PPP3R1: variants seen among roughly 807,000 people sequenced by gnomAD.
PPP3R1 encodes protein phosphatase 3 regulatory subunit B, alpha, also known as calcineurin subunit B type 1.
PPP3R1 carries 5 observed loss-of-function variants against 22.6 expected under a neutral mutation model. The ratio of observed to expected loss-of-function variants is 0.22; its 90% CI spans 0.12 to 0.46. The LOEUF is 0.46. Ranked by LOEUF, PPP3R1 falls within the 20% of genes least tolerant of loss-of-function variation. The probability of loss-of-function intolerance (pLI) is 0.99; values close to 1 mark genes in which losing one functional copy is unlikely to be tolerated. For synonymous variants in PPP3R1, 56 were observed against 65.2 expected (o/e 0.86, Z 0.68); for missense variants, 61 against 203.2 (o/e 0.30, Z 4.25).
intron 1 of PPP3R1, among the ~76,000 whole-genome samples, chr2:68,249,504 C>T (rs1442960372): frequency 6.6e-6 from 1 of 151,994 alleles, no homozygotes; most frequent in East Asian, 1.9e-4. Context: ...AGAAACAAAA[C>T]GTAAAACAAT....
intron 3 of PPP3R1, among the ~76,000 whole-genome samples, chr2:68,188,215 A>ATT (rs1461443606): frequency 6.6e-6 from 1 of 152,198 alleles, no homozygotes; most frequent in Non-Finnish European, 1.5e-5. Flanking sequence ...CTTCTAATGT[A>ATT]TATAAGAATA....
chr2:68,187,181 T>TA (rs1674563306), intron 4 of PPP3R1, 74 bp downstream of exon 4: 1 of 1,204,038 alleles, frequency 8.3e-7, no homozygotes, highest in South Asian at 1.5e-5. Flanking sequence ...TTCATTATTT[T>TA]AAAAAGCATT....
At chr2:68,199,598 T>C (rs59657676) in intron 2 of PPP3R1, among the ~76,000 whole-genome samples, 1 of 152,122 alleles carries the variant, frequency 6.6e-6, no homozygotes, top group Non-Finnish European at 1.5e-5. Context: ...AAAGTAAAGG[T>C]TTTTTAGTAG....
At chr2:68,245,325 G>A (rs760207429) in intron 1 of PPP3R1, among the ~76,000 whole-genome samples, 2 of 151,962 alleles carry the variant, frequency 1.3e-5, no homozygotes, top group African/African-American at 2.4e-5. Context: ...TCGCACCACC[G>A]CACTCCAACC....
At chr2:68,240,823 T>TAA (rs1482090502) in intron 1 of PPP3R1, among the ~76,000 whole-genome samples, 1 of 152,208 alleles carries the variant, frequency 6.6e-6, no homozygotes, top group Non-Finnish European at 1.5e-5. Flanking sequence ...TTTCAGTCTT[T>TAA]ATAATGCCGG....
At chr2:68,232,239 G>A (rs868710252) in intron 1 of PPP3R1, among the ~76,000 whole-genome samples, 2 of 61,248 alleles carry the variant, frequency 3.3e-5, no homozygotes, top group African/African-American at 3.1e-4. Flanking sequence ...GTGTGTGTGT[G>A]TGTGTGTGTG....
intron 3 of PPP3R1, among the ~76,000 whole-genome samples, chr2:68,187,636 A>T (rs1674573332): frequency 6.6e-6 from 1 of 151,562 alleles, no homozygotes; most frequent in South Asian, 2.1e-4. Context: ...AAGGGGCTTT[A>T]AAAAAAAACC....
In PPP3R1 at chr2:68,237,741, T is replaced by A. The variant is rs576332048; in HGVS notation, c.3+14384A>T. 9.2e-5 allele frequency among the ~76,000 whole-genome samples: 14 copies of A among 152,234 alleles called. No individual in the cohort carries two copies. The South Asian group carries it at 2.7e-3, about 29-fold the overall frequency. ...TCTTTTTTTCATTCATCTTTATACC[T>A]GAAACTATGTTTGATATATCTAGTA... On this transcript the variant is annotated intron_variant, in intron 1 of 5. Coordinates refer to ENST00000234310, the MANE Select transcript of PPP3R1 (RefSeq NM_000945.4).
chr2:68,194,163 T>G (rs148656563), intron 2 of PPP3R1, among the ~76,000 whole-genome samples: 6 of 152,138 alleles, frequency 3.9e-5, no homozygotes, highest in African/African-American at 1.4e-4. Flanking sequence ...TATACTGTTA[T>G]CTAAAATTTA....
At chr2:68,243,217 T>C (rs574930759) in intron 1 of PPP3R1, among the ~76,000 whole-genome samples, 65 of 152,300 alleles carry the variant, frequency 4.3e-4, no homozygotes, top group Admixed American at 1.6e-3. Context: ...ACAGAAATCT[T>C]CAAACATTTT....
Position 68,199,355 on chromosome 2 carries a change from C to T in PPP3R1, c.44-10665G>A, listed in dbSNP as rs537894375. On this transcript the variant is annotated intron_variant, in intron 2 of 5. Transcript: ENST00000234310. Reference sequence around the variant, plus strand: ...TCCTACAATCTTGCCAAATTCACATCAGTCCTAGTAACTTAACATTTGCTA... The same window carrying T: ...TCCTACAATCTTGCCAAATTCACATTAGTCCTAGTAACTTAACATTTGCTA... Among the ~76,000 whole-genome samples, 5 of 152,296 alleles carry T rather than the reference C, an allele frequency of 3.3e-5. No homozygotes were observed. In the East Asian group the frequency reaches 9.6e-4, roughly 29 times the overall value.
At chr2:68,247,950 G>C (rs956979537) in intron 1 of PPP3R1, among the ~76,000 whole-genome samples, 3 of 151,996 alleles carry the variant, frequency 2.0e-5, no homozygotes, top group Admixed American at 6.6e-5. Flanking sequence ...CCATCAGAAT[G>C]GTCTCTTTAA....
rs1274726250 is a variant in PPP3R1 at position 68,209,308 on chromosome 2, G to A, written c.43+7784C>T. On this transcript the variant is annotated intron_variant, in intron 2 of 5. Transcript: ENST00000234310. ...CGGGAGGCGGAGCTTGCAGTGAGCC[G>A]AGATCCCGCCACTGCACTCCAGCCT... Among the ~76,000 whole-genome samples, 34 of 121,084 alleles carry A rather than the reference G, an allele frequency of 2.8e-4. No homozygotes were observed. In the East Asian group the frequency reaches 6.5e-3, roughly 23 times the overall value. 79.4% of individuals were successfully genotyped at this position (121,084 alleles called of 152,430 possible). A position where few individuals can be genotyped will look rare whatever the true frequency, so the allele number is the denominator to read the frequency against.
intron 2 of PPP3R1, among the ~76,000 whole-genome samples, chr2:68,209,980 A>G (rs1374304238): frequency 1.3e-5 from 2 of 152,150 alleles, no homozygotes; most frequent in African/African-American, 4.8e-5. Flanking sequence ...TGGGGGAAAA[A>G]AAAGGAGATT....
At chr2:68,199,771 T>A (rs1674934473) in intron 2 of PPP3R1, among the ~76,000 whole-genome samples, 2 of 152,238 alleles carry the variant, frequency 1.3e-5, no homozygotes, top group Admixed American at 1.3e-4. Flanking sequence ...TAAAATTGCA[T>A]TACTGGTATA....
At chr2:68,190,281 A>AAAAG in intron 2 of PPP3R1, among the ~76,000 whole-genome samples, 1 of 143,916 alleles carries the variant, frequency 6.9e-6, no homozygotes, top group African/African-American at 2.6e-5. Flanking sequence ...AAAAAAAAAA[A>AAAAG]AGGCCGGGTG....
At chr2:68,232,219 A>ATG (rs1355670489) in intron 1 of PPP3R1, among the ~76,000 whole-genome samples, 28 of 31,964 alleles carry the variant, frequency 8.8e-4, no homozygotes, top group African/African-American at 7.8e-3. Context: ...TTGTATATGT[A>ATG]TATATGTGTG....
At chr2:68,196,358 A>G (rs1423454568) in intron 2 of PPP3R1, among the ~76,000 whole-genome samples, 2 of 152,170 alleles carry the variant, frequency 1.3e-5, no homozygotes, top group Non-Finnish European at 2.9e-5. Flanking sequence ...AGCTCCAAAA[A>G]AATTTTCCAG....
In PPP3R1 at chr2:68,182,241, T is replaced by TA. The variant is rs532543388; in HGVS notation, c.466-1232dup. ...ATCTGTATTATTTTTAAATTCAAAC[T>TA]AAAAAAATAGTCCCTTTATTTGAAA... On this transcript the variant is annotated intron_variant, in intron 5 of 5. Coordinates refer to ENST00000234310, the MANE Select transcript of PPP3R1 (RefSeq NM_000945.4). Among the ~76,000 whole-genome samples, 1,123 of 152,206 alleles carry TA rather than the reference T, an allele frequency of 7.4e-3. 11 individuals are homozygous for TA. The highest frequency in any genetic ancestry group is 8.9e-3 in the Non-Finnish European group (603 of 67,998).
Sources: gnomAD v4.1 joint callset for allele counts (sites outside exome capture counted in the v4.1 genomes callset) on GRCh38, gnomAD v4.1.1 for gene constraint, MANE v1.5 for transcripts, NCBI Gene and HGNC (gene_info 2026-07-23, HGNC 2026-07-21) for gene names.